The following RPTOR variants were observed in gnomAD, a reference collection of about 807,000 sequenced individuals.
RPTOR encodes regulatory-associated protein of mTOR.
RPTOR carries 21 observed loss-of-function variants against 169.9 expected under a neutral mutation model. The ratio of observed to expected loss-of-function variants is 0.12; its 90% CI spans 0.09 to 0.18. RPTOR has a LOEUF of 0.18. Ranked by LOEUF, RPTOR falls within the 10% of genes least tolerant of loss-of-function variation. The pLI is 1.00. For synonymous variants in RPTOR, 732 were observed against 753.2 expected (o/e 0.97, Z 0.46); for missense variants, 1,133 against 1,855.9 (o/e 0.61, Z 7.16).
At chr17:80,869,618 G>A (rs1480555029) in intron 13 of RPTOR, among the ~76,000 whole-genome samples, 3 of 152,160 alleles carry the variant, frequency 2.0e-5, no homozygotes, top group Non-Finnish European at 4.4e-5. Flanking sequence ...ATTTGACTCT[G>A]GACTGCGTGT....
intron 13 of RPTOR, among the ~76,000 whole-genome samples, chr17:80,865,946 G>A (rs1477819137): frequency 1.3e-5 from 2 of 152,032 alleles, no homozygotes; most frequent in African/African-American, 4.8e-5. Context: ...CAGCCACAGT[G>A]GAGTCAAACT....
intron 2 of RPTOR, among the ~76,000 whole-genome samples, chr17:80,636,812 A>G (rs997605016): frequency 6.6e-6 from 1 of 152,114 alleles, no homozygotes; most frequent in African/African-American, 2.4e-5. Flanking sequence ...AAGGTGCTGC[A>G]TGAGCTGCTT....
intron 1 of RPTOR, among the ~76,000 whole-genome samples, chr17:80,612,740 C>T (rs539802641): frequency 6.6e-6 from 1 of 152,234 alleles, no homozygotes; most frequent in East Asian, 1.9e-4. Flanking sequence ...TGGTGGCACC[C>T]ACTTGTGGTC....
rs1400627728 is a variant in RPTOR, at chr17:80,716,462, A to G, written c.507+8463A>G. On this transcript the variant is annotated intron_variant, in intron 4 of 33. Transcript: ENST00000306801. ...GTTTGAGTTTGTTGTAGATTTCCGG[A>G]TATTAGTCTTTTGTCAGTTGTGTAG... 2.0e-5 allele frequency among the ~76,000 whole-genome samples: 3 copies of G among 150,928 alleles called. No individual in the cohort carries two copies. In the South Asian group the frequency reaches 6.3e-4, roughly 32 times the overall value.
chr17:80,638,514 A>G (rs1599625412), intron 2 of RPTOR, among the ~76,000 whole-genome samples: 1 of 139,438 alleles, frequency 7.2e-6, no homozygotes. Flanking sequence ...CGATCCTCCC[A>G]CCTCAGCCTC....
intron 20 of RPTOR, among the ~76,000 whole-genome samples, chr17:80,900,932 C>G (rs1027255608): frequency 6.6e-6 from 1 of 152,262 alleles, no homozygotes. Flanking sequence ...CAGCACCTCC[C>G]TTTCCCCCTG....
intron 13 of RPTOR, among the ~76,000 whole-genome samples, chr17:80,858,310 T>C (rs1567952671): frequency 6.6e-6 from 1 of 152,244 alleles, no homozygotes; most frequent in Non-Finnish European, 1.5e-5. Flanking sequence ...TTGGCTCTCC[T>C]GTGCCCACCA....
At chr17:80,698,672 G>A (rs2066058064) in intron 3 of RPTOR, among the ~76,000 whole-genome samples, 1 of 152,204 alleles carries the variant, frequency 6.6e-6, no homozygotes, top group Non-Finnish European at 1.5e-5. Context: ...ATAGACAAAT[G>A]TGCCGCTGCT....
At chr17:80,697,904 G>A (rs991173568) in intron 3 of RPTOR, among the ~76,000 whole-genome samples, 1 of 139,180 alleles carries the variant, frequency 7.2e-6, no homozygotes, top group South Asian at 2.2e-4. Flanking sequence ...AGGCAGAGGT[G>A]GTACAGCGAA....
intron 1 of RPTOR, among the ~76,000 whole-genome samples, chr17:80,559,741 A>G (rs2084456176): frequency 6.6e-6 from 1 of 152,164 alleles, no homozygotes; most frequent in South Asian, 2.1e-4. Context: ...CTCCCTACCC[A>G]GCCATGGGAA....
intron 3 of RPTOR, among the ~76,000 whole-genome samples, chr17:80,660,483 T>C (rs2065714112): frequency 1.3e-5 from 2 of 152,122 alleles, no homozygotes; most frequent in South Asian, 4.1e-4. Context: ...AAGTAGCATC[T>C]GTTCTATAGA....
chr17:80,941,464 G>A (rs1031900482), intron 25 of RPTOR: 1 of 152,372 alleles, frequency 6.6e-6, no homozygotes, highest in African/African-American at 2.4e-5. Flanking sequence ...AGAGTACAGG[G>A]GCCCAGGCCC....
At position 80,673,587 on chromosome 17, in the gene RPTOR, G is replaced by A. The variant is rs77414278; in HGVS notation, c.348+29777G>A. On this transcript the variant is annotated intron_variant, in intron 3 of 33. Transcript: ENST00000306801. ...TCAAAGAGCGGTTGCCGTGACCTTC[G>A]CTGTCATCCAGATTGCTCTTGCTTT... Among the ~76,000 whole-genome samples, 347 of 152,334 alleles carry A rather than the reference G, an allele frequency of 2.3e-3. 1 individual carries two copies. Among genetic ancestry groups the A allele is most frequent in the African/African-American group, 8.0e-3 (332 of 41,568 alleles).
intron 15 of RPTOR, 135 bp downstream of exon 15, chr17:80,883,619 C>A: frequency 2.6e-6 from 3 of 1,174,580 alleles, no homozygotes; most frequent in Non-Finnish European, 2.5e-6. Flanking sequence ...TCTAGCCAGC[C>A]ATTTGCAGGC....
At chr17:80,602,580 T>A (rs2065198033) in intron 1 of RPTOR, 2 of 607,234 alleles carry the variant, frequency 3.3e-6, no homozygotes, top group African/African-American at 3.7e-5. Flanking sequence ...TGTCTGTAGA[T>A]TTTTGAACAT....
intron 24 of RPTOR, among the ~76,000 whole-genome samples, chr17:80,926,405 C>T (rs1270350196): frequency 1.3e-5 from 2 of 152,172 alleles, no homozygotes; most frequent in Non-Finnish European, 2.9e-5. Context: ...TTCTAGAAAG[C>T]GTCTTGCCGG....
intron 13 of RPTOR, among the ~76,000 whole-genome samples, chr17:80,859,354 C>A (rs1426051889): frequency 6.6e-6 from 1 of 152,206 alleles, no homozygotes; most frequent in Non-Finnish European, 1.5e-5. Flanking sequence ...CGTGAAGATT[C>A]TAGAACAAAG....
chr17:80,636,435 G>A (rs181383025), intron 2 of RPTOR, among the ~76,000 whole-genome samples: 1 of 152,294 alleles, frequency 6.6e-6, no homozygotes, highest in African/African-American at 2.4e-5. Flanking sequence ...TCTGGAGGCT[G>A]AGGAGTCTAA....
Position 80,582,823 on chromosome 17 carries a change from C to T in RPTOR, c.162+37032C>T, listed in dbSNP as rs1188916189. ...CCTCCCAAAGTGCTGGGATTACAGG[C>T]GTGAGCCACCGCGCATGGCCAAATG... is the stretch of plus-strand genomic sequence containing the variant. On this transcript the variant is annotated intron_variant, in intron 1 of 33. Coordinates refer to ENST00000306801, the MANE Select transcript of RPTOR (RefSeq NM_020761.3). Among the ~76,000 whole-genome samples the T allele has an allele frequency of 7.9e-5, 12 of 151,868 alleles. No individual in the cohort carries two copies. The East Asian group carries it at 1.2e-3, about 15-fold the overall frequency.
Sources: allele counts gnomAD v4.1 joint callset (sites outside exome capture counted in the v4.1 genomes callset), GRCh38; gene constraint gnomAD v4.1.1; transcripts MANE v1.5; gene names NCBI Gene and HGNC (gene_info 2026-07-23, HGNC 2026-07-21).